VGLL4: variants seen among roughly 807,000 people sequenced by gnomAD.
The protein encoded by VGLL4 is vestigial like family member 4.
Under a neutral mutation model 21.0 loss-of-function variants are expected in VGLL4, and 7 were observed. The ratio of observed to expected loss-of-function variants is 0.33; its 90% CI spans 0.19 to 0.63. The LOEUF is 0.63. VGLL4 is among the 20% of genes least tolerant of loss of function. The pLI is 0.78. For synonymous variants in VGLL4, 222 were observed against 173.2 expected, an observed-to-expected ratio of 1.28 and a Z score of -2.21; for missense variants, 394 against 425.7, an observed-to-expected ratio of 0.93 and a Z score of 0.66.
At chr3:11,594,423 ATAT>A (rs1425484276) in intron 2 of VGLL4, among the ~76,000 whole-genome samples, 12 of 152,356 alleles carry the variant, frequency 7.9e-5, no homozygotes, top group African/African-American at 2.9e-4. Flanking sequence ...AAATGAGATA[ATAT>A]ATTTCAAGTG....
chr3:11,663,213 A>G (rs2076060555), intron 2 of VGLL4, among the ~76,000 whole-genome samples: 2 of 152,236 alleles, frequency 1.3e-5, no homozygotes, highest in South Asian at 4.1e-4. Context: ...GACAGAAATC[A>G]GACCTGACTC....
At chr3:11,704,751 A>C (rs996377096) in intron 1 of VGLL4, among the ~76,000 whole-genome samples, 3 of 152,228 alleles carry the variant, frequency 2.0e-5, no homozygotes, top group Non-Finnish European at 4.4e-5. Context: ...AGCCCTGTAC[A>C]CGCGAAACCT....
At chr3:11,625,717 ATT>A (rs10707702) in intron 1 of VGLL4, among the ~76,000 whole-genome samples, 124 of 150,328 alleles carry the variant, frequency 8.2e-4, no homozygotes, top group South Asian at 7.7e-3. Flanking sequence ...CTTTAAAAAC[ATT>A]TTTTTTTTTT....
chr3:11,700,378 C>G (rs1232481680), intron 2 of VGLL4, among the ~76,000 whole-genome samples: 1 of 152,146 alleles, frequency 6.6e-6, no homozygotes, highest in Non-Finnish European at 1.5e-5. Flanking sequence ...AAACTACTAC[C>G]TTATATAAAA....
At chr3:11,581,221 C>T (rs2074216042) in intron 2 of VGLL4, among the ~76,000 whole-genome samples, 1 of 152,118 alleles carries the variant, frequency 6.6e-6, no homozygotes, top group Non-Finnish European at 1.5e-5. Flanking sequence ...CATGCACCAC[C>T]ACGCCTAGCT....
At chr3:11,698,041 C>T (rs1019025687) in intron 2 of VGLL4, among the ~76,000 whole-genome samples, 5 of 152,278 alleles carry the variant, frequency 3.3e-5, no homozygotes, top group Non-Finnish European at 7.4e-5. Context: ...AGGAAGTCAG[C>T]GGATGCAATT....
chr3:11,566,643 C>T lies in VGLL4; in HGVS notation c.273-1624G>A, dbSNP rs186038498. ...TCAAATAAGATGCGGCCACTCTCTG[C>T]CTCTGTGGCTGTGTACACGCGGTGC... On this transcript the variant is annotated intron_variant, in intron 2 of 4. Transcript: ENST00000430365. Among the ~76,000 whole-genome samples the T allele has an allele frequency of 9.2e-5, 14 of 152,312 alleles. No homozygotes were observed. The East Asian group carries it at 2.5e-3, about 27-fold the overall frequency.
At chr3:11,681,150 T>G (rs908596151) in intron 2 of VGLL4, among the ~76,000 whole-genome samples, 10 of 152,218 alleles carry the variant, frequency 6.6e-5, no homozygotes, top group South Asian at 2.1e-4. Context: ...CAGGCTGGAG[T>G]GCAGTGGCGC....
At chr3:11,564,119 A>G (rs991302936) in intron 3 of VGLL4, among the ~76,000 whole-genome samples, 2 of 152,238 alleles carry the variant, frequency 1.3e-5, no homozygotes, top group Non-Finnish European at 2.9e-5. Flanking sequence ...GGAGAGCTCA[A>G]GCAGTAATTT....
intron 2 of VGLL4, among the ~76,000 whole-genome samples, chr3:11,661,795 CTT>C (rs2076043526): frequency 6.6e-6 from 1 of 152,094 alleles, no homozygotes; most frequent in Non-Finnish European, 1.5e-5. Flanking sequence ...CTCTATGAGA[CTT>C]TAAAAAATAG....
chr3:11,676,830 T>C (rs139393349), intron 2 of VGLL4, among the ~76,000 whole-genome samples: 38 of 152,312 alleles, frequency 2.5e-4, no homozygotes, highest in African/African-American at 8.9e-4. Flanking sequence ...GATTAATAAG[T>C]AAATTATATT....
intron 2 of VGLL4, among the ~76,000 whole-genome samples, chr3:11,667,104 C>G (rs1253730938): frequency 6.6e-6 from 1 of 152,242 alleles, no homozygotes; most frequent in Non-Finnish European, 1.5e-5. Context: ...AAATTTCTAT[C>G]TCTGGCCTCT....
chr3:11,599,385 T>C (rs1029248355), intron 2 of VGLL4, among the ~76,000 whole-genome samples: 1 of 151,114 alleles, frequency 6.6e-6, no homozygotes, highest in Non-Finnish European at 1.5e-5. Context: ...TCCTAAAACT[T>C]TGCATAATAA....
At chr3:11,612,293 G>A (rs1328884928) in intron 1 of VGLL4, 2 of 151,684 alleles carry the variant, frequency 1.3e-5, no homozygotes, top group African/African-American at 4.8e-5. Flanking sequence ...TTACCCTGTT[G>A]GATTTAGTTT....
intron 2 of VGLL4, among the ~76,000 whole-genome samples, chr3:11,597,979 T>C (rs1274537609): frequency 6.6e-6 from 1 of 152,160 alleles, no homozygotes. Context: ...CTCTCTTTTT[T>C]TCCCCTTCCC....
chr3:11,701,669 A>G (rs2076682425), intron 2 of VGLL4, among the ~76,000 whole-genome samples: 1 of 152,230 alleles, frequency 6.6e-6, no homozygotes, highest in Non-Finnish European at 1.5e-5. Context: ...ACTGAGGCTT[A>G]GAAAAATAAA....
intron 1 of VGLL4, among the ~76,000 whole-genome samples, chr3:11,623,711 T>C (rs1319277847): frequency 6.6e-6 from 1 of 151,914 alleles, no homozygotes; most frequent in East Asian, 1.9e-4. Flanking sequence ...AAAGCAAAAG[T>C]GGTTCTCAGT....
At chr3:11,708,648 C>A (rs1475036064) in intron 1 of VGLL4, among the ~76,000 whole-genome samples, 2 of 152,208 alleles carry the variant, frequency 1.3e-5, no homozygotes, top group Non-Finnish European at 2.9e-5. Flanking sequence ...TTATGAGCCA[C>A]AAATTATCCT....
In VGLL4 at chr3:11,614,228, TCTTGTCAG is replaced by T. The variant is rs547615889; in HGVS notation, c.83-12214_83-12207del. 2.1e-3 allele frequency among the ~76,000 whole-genome samples: 314 copies of T among 152,352 alleles called. 3 individuals are homozygous for T. Among genetic ancestry groups the T allele is most frequent in the Non-Finnish European group, 3.8e-3 (259 of 68,032 alleles). Reference sequence around the variant, plus strand: ...ACTTTCAAAACCCGACTTGAGTGCCTCTTGTCAGCCTCAGCCCCAAGAGCACCCCTTTT... The same window carrying T: ...ACTTTCAAAACCCGACTTGAGTGCCTCCTCAGCCCCAAGAGCACCCCTTTT... On this transcript the variant is annotated intron_variant, in intron 1 of 4. Transcript: ENST00000430365.
Sources: gnomAD v4.1 joint callset for allele counts (sites outside exome capture counted in the v4.1 genomes callset) on GRCh38, gnomAD v4.1.1 for gene constraint, MANE v1.5 for transcripts, NCBI Gene and HGNC (gene_info 2026-07-23, HGNC 2026-07-21) for gene names.